The following RNF149 variants were observed in gnomAD, a reference collection of about 807,000 sequenced individuals.
RNF149 encodes ring finger protein 149.
Under a neutral mutation model 39.0 loss-of-function variants are expected in RNF149, and 21 were observed. The observed-to-expected ratio is 0.54, with a 90% CI of 0.38 to 0.77. The LOEUF (loss-of-function observed/expected upper bound fraction) is 0.77. RNF149 is among the 30% of genes least tolerant of loss of function. The pLI is 0.00. For missense variants in RNF149, 493 were observed against 534.9 expected, an observed-to-expected ratio of 0.92 and a Z score of 0.77; for synonymous variants, 209 against 213.6, an observed-to-expected ratio of 0.98 and a Z score of 0.19.
chr2:101,273,111 G>A, downstream of RNF149: 1 of 1,364,452 alleles, frequency 7.3e-7, no homozygotes, highest in Non-Finnish European at 9.8e-7. Context: ...AAGATAGCAT[G>A]CGGGGAAATT....
chr2:101,276,389 T>C lies in RNF149; in HGVS notation c.*849A>G, dbSNP rs1313269943. On this transcript the variant is annotated 3_prime_UTR_variant, in exon 7 of 7. Transcript: ENST00000295317. ...CTTAAACTCTAATCAAGAAAACTGG[T>C]TATTTCGAGTCAACAACAAAAACTA... 1 of 985,740 alleles carries C rather than the reference T, an allele frequency of 1.0e-6. No individual in the cohort carries two copies. The highest frequency in any genetic ancestry group is 1.1e-4 in the East Asian group (1 of 8,828). 61.1% of individuals were successfully genotyped at this position (985,740 alleles called of 1,614,324 possible). A position where few individuals can be genotyped will look rare whatever the true frequency, so the allele number is the denominator to read the frequency against.
In RNF149 at chr2:101,308,597, C is replaced by A. The variant is rs531782975; in HGVS notation, c.-9G>T. 9 of 1,532,386 alleles carry A rather than the reference C, an allele frequency of 5.9e-6. No individual in the cohort carries two copies. 94.9% of individuals were successfully genotyped at this position (1,532,386 alleles called of 1,614,324 possible). A position where few individuals can be genotyped will look rare whatever the true frequency, so the allele number is the denominator to read the frequency against. The stretch of plus-strand genomic sequence containing the variant: ...CGCCGCCGCCACGCCATGGCAGCAC[C>A]GCTGAGCTGACTAGGGGGAGTCAGG... On this transcript the variant is annotated 5_prime_UTR_variant, in exon 1 of 7. Coordinates refer to ENST00000295317, the MANE Select transcript of RNF149 (RefSeq NM_173647.4).
At chr2:101,294,157 A>T in intron 2 of RNF149, 75 bp from the exon 3 acceptor site, 1 of 804,478 alleles carries the variant, frequency 1.2e-6, no homozygotes. Context: ...AGTCACAAAT[A>T]TAATACACAT....
rs964183308 is a variant in RNF149, at chr2:101,307,756, G to A, written c.460+373C>T. The A allele has an allele frequency of 4.3e-6, 4 of 940,254 alleles. No homozygotes were observed. In the African/African-American group the frequency reaches 7.1e-5, roughly 17 times the overall value. The allele number at this position is 940,254 out of a possible 1,614,324, so 58.2% of individuals were successfully genotyped here. ...GATCGTGGGGCGCGCTGGGGGAAGA[G>A]TTTGGATTCCTACTCACCCCTCCGA... is the stretch of plus-strand genomic sequence containing the variant. On this transcript the variant is annotated intron_variant, in intron 1 of 6. Coordinates refer to ENST00000295317, the MANE Select transcript of RNF149 (RefSeq NM_173647.4).
chr2:101,305,686 C>T (rs550635259), intron 1 of RNF149, among the ~76,000 whole-genome samples: 1 of 152,206 alleles, frequency 6.6e-6, no homozygotes, highest in South Asian at 2.1e-4. Context: ...CACACAGACA[C>T]ATACATGGGG....
In RNF149 at chr2:101,282,052, C is replaced by T. The variant is rs1277804340; in HGVS notation, c.966G>A (p.Glu322=). The change falls in exon 6 of 7, where the codon GAG becomes GAA. Residue 322 remains glutamate (E), a synonymous_variant. Coordinates refer to ENST00000295317, the MANE Select transcript of RNF149 (RefSeq NM_173647.4). Reference sequence around the variant, plus strand: ...CAGGCATCTCCTGTACATCCCCAGGCTCTCCCTTGAGAATTAGAACAGAAG... The same window carrying T: ...CAGGCATCTCCTGTACATCCCCAGGTTCTCCCTTGAGAATTAGAACAGAAG... ...DVIKALGYWG[E]PGDVQEMPAP... 5.6e-6 allele frequency: 9 copies of T among 1,613,790 alleles called. No homozygotes were observed. The highest frequency in any genetic ancestry group is 5.9e-6 in the Non-Finnish European group (7 of 1,179,870).
In RNF149 at chr2:101,276,317, A is replaced by T; in HGVS notation, c.*921T>A. 2.0e-6 allele frequency: 2 copies of T among 985,732 alleles called. No individual in the cohort carries two copies. Among genetic ancestry groups the T allele is most frequent in the Non-Finnish European group, 2.4e-6 (2 of 829,920 alleles). 61.1% of individuals were successfully genotyped at this position (985,732 alleles called of 1,614,324 possible). A position where few individuals can be genotyped will look rare whatever the true frequency, so the allele number is the denominator to read the frequency against. ...CCTTTGACCCAAAAGAACAGCAAGC[A>T]AGTAAAAAAGAAGAAACGGTTAAGC... On this transcript the variant is annotated 3_prime_UTR_variant, in exon 7 of 7. Coordinates refer to ENST00000295317, the MANE Select transcript of RNF149 (RefSeq NM_173647.4).
At position 101,282,049 on chromosome 2, in the gene RNF149, A is replaced by T; in HGVS notation, c.969T>A (p.Pro323=). Residue 323 remains proline, a synonymous_variant, in exon 6 of 7, where the codon CCT becomes CCA. Transcript: ENST00000295317. ...VIKALGYWGE[P]GDVQEMPAPE... is the part of the protein sequence containing the mutation. ...GAGCAGGCATCTCCTGTACATCCCC[A>T]GGCTCTCCCTTGAGAATTAGAACAG... 1.2e-6 allele frequency: 2 copies of T among 1,613,906 alleles called. No homozygotes were observed. The highest frequency in any genetic ancestry group is 1.7e-6 in the Non-Finnish European group (2 of 1,179,884).
intron 3 of RNF149, among the ~76,000 whole-genome samples, chr2:101,293,580 C>T (rs916375781): frequency 3.1e-4 from 47 of 152,178 alleles, no homozygotes; most frequent in African/African-American, 9.7e-4. Context: ...AACATCTTTT[C>T]CCCCCTCCAG....
At position 101,275,747 on chromosome 2, in the gene RNF149, G is replaced by C; in HGVS notation, c.*1491C>G. On this transcript the variant is annotated 3_prime_UTR_variant, in exon 7 of 7. Transcript: ENST00000295317. Reference sequence around the variant, plus strand: ...TGAGCCACCGCGCCCGGCCCTCCTAGTATTTCTTAAAGACAAAGAGCAAAC... The same window carrying C: ...TGAGCCACCGCGCCCGGCCCTCCTACTATTTCTTAAAGACAAAGAGCAAAC... 2 of 973,698 alleles carry C rather than the reference G, an allele frequency of 2.1e-6. No individual in the cohort carries two copies. Among genetic ancestry groups the C allele is most frequent in the Non-Finnish European group, 2.4e-6 (2 of 819,346 alleles). 60.3% of individuals were successfully genotyped at this position (973,698 alleles called of 1,614,324 possible).
intron 1 of RNF149, 104 bp downstream of exon 1, chr2:101,308,025 G>A: frequency 2.7e-6 from 4 of 1,489,508 alleles, no homozygotes; most frequent in Non-Finnish European, 3.6e-6. Context: ...CCTGAGAGCC[G>A]TGCCAGGCCC....
rs759426109 is a variant in RNF149 at position 101,286,101 on chromosome 2, T to C, written c.940A>G (p.Ile314Val). 2 of 1,609,568 alleles carry C rather than the reference T, an allele frequency of 1.2e-6. No homozygotes were observed. Among genetic ancestry groups the C allele is most frequent in the South Asian group, 1.1e-5 (1 of 90,920 alleles). Reference protein sequence around the residue: ...RTCPMCKLDVIKALGYWGEPG... With the variant: ...RTCPMCKLDVVKALGYWGEPG... ...CAAACCCAATATCCTAGGGCTTTGA[T>C]GACATCAAGTTTACACATTGGACAT... The change falls in exon 5 of 7, where the codon ATC (isoleucine) becomes GTC (valine). Residue 314 changes from isoleucine to valine, a missense_variant. By Grantham distance (29) the Ile-to-Val change is conservative. Coordinates refer to ENST00000295317, the MANE Select transcript of RNF149 (RefSeq NM_173647.4).
chr2:101,278,644 G>A (rs1573218720), intron 6 of RNF149, among the ~76,000 whole-genome samples: 1 of 152,086 alleles, frequency 6.6e-6, no homozygotes, highest in Non-Finnish European at 1.5e-5. Context: ...ACTAATTCAT[G>A]TGCATTACCT....
intron 1 of RNF149, among the ~76,000 whole-genome samples, chr2:101,305,157 G>T (rs1683607955): frequency 6.6e-6 from 1 of 152,024 alleles, no homozygotes; most frequent in African/African-American, 2.4e-5. Flanking sequence ...CAATTTTACA[G>T]GCAGGCCACC....
chr2:101,275,115 T>TG (rs1247508856), downstream of RNF149, among the ~76,000 whole-genome samples: 4 of 120,190 alleles, frequency 3.3e-5, no homozygotes, highest in Non-Finnish European at 7.0e-5. Context: ...ATTTCTGTTT[T>TG]TTTTTTTTTT....
intron 3 of RNF149, among the ~76,000 whole-genome samples, chr2:101,293,770 G>A (rs1391257175): frequency 6.6e-6 from 1 of 152,172 alleles, no homozygotes; most frequent in African/African-American, 2.4e-5. Context: ...CTGTCCAGGA[G>A]GGCAGCAACC....
At chr2:101,286,312 T>G (rs1682790411) in intron 4 of RNF149, 135 bp from the exon 5 acceptor site, 1 of 542,846 alleles carries the variant, frequency 1.8e-6, no homozygotes, top group African/African-American at 2.0e-5. Context: ...GTCTACTTAC[T>G]TATCATGTCA....
intron 1 of RNF149, among the ~76,000 whole-genome samples, chr2:101,303,618 C>T (rs1266436728): frequency 1.3e-5 from 2 of 152,098 alleles, no homozygotes; most frequent in Admixed American, 6.6e-5. Context: ...TATTCTTATA[C>T]CTCTTATCAA....
intron 1 of RNF149, among the ~76,000 whole-genome samples, chr2:101,297,592 C>G (rs183282198): frequency 6.6e-6 from 1 of 152,142 alleles, no homozygotes; most frequent in East Asian, 1.9e-4. Flanking sequence ...CTCCTGACCT[C>G]AAGCAATTCT....
Sources: gnomAD v4.1 joint callset for allele counts (sites outside exome capture counted in the v4.1 genomes callset) on GRCh38, gnomAD v4.1.1 for gene constraint, MANE v1.5 for transcripts, NCBI Gene and HGNC (gene_info 2026-07-23, HGNC 2026-07-21) for gene names.